The following ZBTB41 variants were observed in gnomAD, a reference collection of about 807,000 sequenced individuals.
ZBTB41 encodes zinc finger and BTB domain containing 41.
Under a neutral mutation model 87.6 loss-of-function variants are expected in ZBTB41, and 42 were observed. The ratio of observed to expected loss-of-function variants is 0.48; its 90% CI spans 0.37 to 0.62. ZBTB41 has a LOEUF of 0.62. ZBTB41 is among the 20% of genes least tolerant of loss of function. ZBTB41 has a pLI of 0.00. For missense variants in ZBTB41, 799 were observed against 1,078.9 expected, an observed-to-expected ratio of 0.74 and a Z score of 3.63; for synonymous variants, 364 against 364.0, an observed-to-expected ratio of 1.00 and a Z score of 0.00.
At chr1:197,197,229 G>T (rs1408840294) in intron 2 of ZBTB41, among the ~76,000 whole-genome samples, 1 of 151,724 alleles carries the variant, frequency 6.6e-6, no homozygotes, top group Non-Finnish European at 1.5e-5. Context: ...ACACAGACAG[G>T]TTAAGTAACT....
intron 9 of ZBTB41, 65 bp downstream of exon 9, chr1:197,174,945 A>C (rs1659566291): frequency 1.5e-6 from 2 of 1,341,194 alleles, no homozygotes; most frequent in Middle Eastern, 1.9e-4. Flanking sequence ...TAAACAAAAA[A>C]AGTTACAACT....
intron 4 of ZBTB41, among the ~76,000 whole-genome samples, chr1:197,189,995 T>C (rs898773309): frequency 6.6e-6 from 1 of 152,194 alleles, no homozygotes; most frequent in East Asian, 1.9e-4. Context: ...CTTGGCTCAC[T>C]GCAACCTCTG....
chr1:197,173,472 A>C (rs1659524467), intron 9 of ZBTB41, among the ~76,000 whole-genome samples: 1 of 152,038 alleles, frequency 6.6e-6, no homozygotes, highest in South Asian at 2.1e-4. Flanking sequence ...CAGCATCATA[A>C]TAGCTCACTG....
intron 10 of ZBTB41, among the ~76,000 whole-genome samples, chr1:197,163,370 TGGGACA>T (rs1659244258): frequency 6.6e-6 from 1 of 151,906 alleles, no homozygotes; most frequent in Non-Finnish European, 1.5e-5. Flanking sequence ...TATATAAGAC[TGGGACA>T]TCAAAATCAA....
rs1247740806 is a variant in ZBTB41 at position 197,197,308 on chromosome 1, C to T, written c.1120+2046G>A. ...ACTATAACTCAGGCTTTTTAACTAG[C>T]GATATATGAATAAGATATAGATAGA... On this transcript the variant is annotated intron_variant, in intron 2 of 10. Transcript: ENST00000367405. Among the ~76,000 whole-genome samples the T allele has an allele frequency of 4.6e-5, 7 of 151,124 alleles. No individual in the cohort carries two copies. The South Asian group carries it at 8.4e-4, about 18-fold the overall frequency.
chr1:197,192,663 A>T (rs935191766), intron 2 of ZBTB41, among the ~76,000 whole-genome samples: 4 of 152,148 alleles, frequency 2.6e-5, no homozygotes, highest in African/African-American at 4.8e-5. Context: ...TTAATTAAAA[A>T]CTTAGCTTTG....
At chr1:197,180,869 C>T in intron 6 of ZBTB41, 119 bp downstream of exon 6, 1 of 1,145,114 alleles carries the variant, frequency 8.7e-7, no homozygotes, top group East Asian at 2.7e-5. Context: ...ATATTTCAAA[C>T]TAAAGCACAA....
intron 2 of ZBTB41, among the ~76,000 whole-genome samples, chr1:197,193,405 C>CA (rs1361043188): frequency 6.6e-6 from 1 of 151,022 alleles, no homozygotes; most frequent in Admixed American, 6.6e-5. Flanking sequence ...ACCAAAAAAA[C>CA]AAAAAAACCC....
Position 197,199,750 on chromosome 1 carries a change from T to C in ZBTB41, c.724A>G (p.Lys242Glu), listed in dbSNP as rs777673626. The C allele has an allele frequency of 2.5e-6, 4 of 1,613,484 alleles. No homozygotes were observed. Among genetic ancestry groups the C allele is most frequent in the Non-Finnish European group, 1.7e-6 (2 of 1,179,858 alleles). ...SLLLGKKHGL[K>E]MLERSFSARR... ...GCGGAGAAACTTCTCTCCAGCATTT[T>C]TAACCCATGTTTTTTCCCTAATAAA... Residue 242 changes from lysine to glutamate, a missense_variant, in exon 2 of 11, where the codon AAA becomes GAA. This residue lies in a region of ZBTB41 where 294 missense variants were observed against 340.1 expected (regional missense o/e 0.86). Coordinates refer to ENST00000367405, the MANE Select transcript of ZBTB41 (RefSeq NM_194314.3).
At chr1:197,185,369 A>G (rs1165233434) in intron 5 of ZBTB41, among the ~76,000 whole-genome samples, 2 of 152,140 alleles carry the variant, frequency 1.3e-5, no homozygotes, top group Non-Finnish European at 2.9e-5. Flanking sequence ...GAAATTTACC[A>G]AAGTATACCA....
At position 197,160,003 on chromosome 1, in the gene ZBTB41, A is replaced by G. The variant is rs1158219269; in HGVS notation, c.2086T>C (p.Tyr696His). 9 of 1,611,542 alleles carry G rather than the reference A, an allele frequency of 5.6e-6. No homozygotes were observed. The South Asian group carries it at 9.9e-5, about 18-fold the overall frequency. ...HFRTHSGEKP[Y>H]KCQICNQSFR... Reference sequence around the variant, plus strand: ...GACTGATTGCAAATTTGACACTTGTATGGTTTTTCACCTATATGAATGAAC... The same window carrying G: ...GACTGATTGCAAATTTGACACTTGTGTGGTTTTTCACCTATATGAATGAAC... The change falls in exon 11 of 11, where the codon TAC becomes CAC. Residue 696 changes from tyrosine (Y) to histidine (H), a missense_variant. Transcript: ENST00000367405.
rs67302873 is a variant in ZBTB41 at position 197,175,431 on chromosome 1, AATAT to A, written c.1880-320_1880-317del. Among the ~76,000 whole-genome samples the A allele has an allele frequency of 4.1e-3, 290 of 71,594 alleles. 12 individuals carry two copies. Among genetic ancestry groups the A allele is most frequent in the African/African-American group, 0.011 (266 of 24,842 alleles). The allele number at this position is 71,594 out of a possible 152,430, so 47.0% of individuals were successfully genotyped here. ...ACTACTTCAAAACTTAGGAATTTTA[AATAT>A]ATATATATATATATGTCTGTATATC... On this transcript the variant is annotated intron_variant, in intron 8 of 10. Transcript: ENST00000367405.
Position 197,199,368 on chromosome 1 carries a change from G to A in ZBTB41, c.1106C>T (p.Thr369Ile). The A allele has an allele frequency of 6.6e-7, 1 of 1,517,704 alleles. No homozygotes were observed. The highest frequency in any genetic ancestry group is 8.8e-7 in the Non-Finnish European group (1 of 1,140,816). The allele number at this position is 1,517,704 out of a possible 1,614,324, so 94.0% of individuals were successfully genotyped here. ...KILQCPKCDK[T>I]FDRIGKYESH... ...TCTTTTCTTACCTATTCGGTCAAAT[G>A]TTTTATCACATTTAGGACACTGCAA... Residue 369 changes from threonine (T) to isoleucine (I), a missense_variant, in exon 2 of 11, where the codon ACA (threonine) becomes ATA (isoleucine). Physicochemically the swap from Thr to Ile is moderately conservative, Grantham distance 89. Transcript: ENST00000367405.
chr1:197,187,905 G>A (rs1043267895), intron 5 of ZBTB41, among the ~76,000 whole-genome samples: 2 of 152,126 alleles, frequency 1.3e-5, no homozygotes, highest in East Asian at 1.9e-4. Flanking sequence ...GGGAAATTTC[G>A]GGGCAGTGAA....
intron 1 of ZBTB41, 38 bp from the exon 2 acceptor site, chr1:197,200,628 G>A: frequency 3.6e-6 from 2 of 560,834 alleles, no homozygotes; most frequent in Non-Finnish European, 5.8e-6. Flanking sequence ...TAACTCCATG[G>A]CAAAGCAATG....
chr1:197,174,030 T>C (rs1027546972), intron 9 of ZBTB41, among the ~76,000 whole-genome samples: 9 of 152,130 alleles, frequency 5.9e-5, no homozygotes, highest in African/African-American at 1.9e-4. Context: ...CTCTATACTA[T>C]GAACAAAGTG....
intron 10 of ZBTB41, among the ~76,000 whole-genome samples, chr1:197,168,854 G>A (rs577376272): frequency 9.1e-4 from 139 of 152,016 alleles, no homozygotes; most frequent in Non-Finnish European, 1.5e-3. Context: ...TATATATCCG[G>A]AATGTAGAAA....
intron 10 of ZBTB41, among the ~76,000 whole-genome samples, chr1:197,171,821 TAAGAA>T (rs1659486211): frequency 1.3e-5 from 2 of 151,798 alleles, no homozygotes; most frequent in African/African-American, 4.8e-5. Context: ...TCTGAAGGCT[TAAGAA>T]AAGCCTTCAG....
rs1485957378 is a variant in ZBTB41, at chr1:197,154,195, A to T, written c.*5164T>A. 1 of 152,540 alleles carries T rather than the reference A, an allele frequency of 6.6e-6. No individual in the cohort carries two copies. Among genetic ancestry groups the T allele is most frequent in the Non-Finnish European group, 1.5e-5 (1 of 67,962 alleles). 9.4% of individuals were successfully genotyped at this position (152,540 alleles called of 1,614,324 possible). On this transcript the variant is annotated 3_prime_UTR_variant, in exon 11 of 11. Coordinates refer to ENST00000367405, the MANE Select transcript of ZBTB41 (RefSeq NM_194314.3). ...TTTAATGCAAGCAGGAATACCAAGC[A>T]AAAAAATACGCAGTAACAATGAGAT... is the stretch of plus-strand genomic sequence containing the variant.
Sources: gnomAD v4.1 joint callset for allele counts (sites outside exome capture counted in the v4.1 genomes callset) on GRCh38, gnomAD v4.1.1 for gene constraint, gnomAD v4.1.1 regional missense constraint, MANE v1.5 for transcripts, NCBI Gene and HGNC (gene_info 2026-07-23, HGNC 2026-07-21) for gene names.